GLIS3: variants seen among roughly 807,000 people sequenced by gnomAD.
The protein encoded by GLIS3 is GLIS family zinc finger 3, also known as zinc finger protein GLIS3.
A neutral mutation model predicts 78.6 loss-of-function variants in GLIS3; 53 were observed. The observed-to-expected ratio is 0.67, with a 90% CI of 0.54 to 0.85. The LOEUF (loss-of-function observed/expected upper bound fraction) is 0.85. GLIS3 is among the 40% of genes least tolerant of loss of function. The probability of loss-of-function intolerance (pLI) is 0.00; values close to 1 mark genes in which losing one functional copy is unlikely to be tolerated. For synonymous variants in GLIS3, 684 were observed against 509.9 expected (o/e 1.34, Z -4.60); for missense variants, 1,703 against 1,231.1 (o/e 1.38, Z -5.74).
the GLIS3 span, among the ~76,000 whole-genome samples, chr9:4,474,173 T>C: frequency 6.6e-6 from 1 of 152,170 alleles, no homozygotes; most frequent in African/African-American, 2.4e-5. Context: ...GGATTTACAA[T>C]ATCAAATACC....
chr9:4,034,731 C>A (rs1297262881), intron 4 of GLIS3: 2 of 152,166 alleles, frequency 1.3e-5, no homozygotes, highest in East Asian at 3.8e-4. Context: ...CCCTCAGGAG[C>A]CCTTTAACCT....
chr9:4,172,116 C>G lies in GLIS3; in HGVS notation c.389-46175G>C, dbSNP rs138251680. Reference sequence around the variant, plus strand: ...GAGAAATGAAGTTTAGCTCTGCCTCCAAATGCTAAGATCTGAGAAAAAAAT... The same window carrying G: ...GAGAAATGAAGTTTAGCTCTGCCTCGAAATGCTAAGATCTGAGAAAAAAAT... On this transcript the variant is annotated intron_variant, in intron 2 of 10. Transcript: ENST00000381971. 2.0e-3 allele frequency among the ~76,000 whole-genome samples: 305 copies of G among 152,172 alleles called. 4 individuals are homozygous for G. The highest frequency in any genetic ancestry group is 7.0e-3 in the African/African-American group (289 of 41,506).
At chr9:4,457,405 T>C in the GLIS3 span, among the ~76,000 whole-genome samples, 1 of 151,820 alleles carries the variant, frequency 6.6e-6, no homozygotes, top group Non-Finnish European at 1.5e-5. Context: ...AGGGAATTGA[T>C]TGCATTGATT....
chr9:4,488,354 A>G, the GLIS3 span, among the ~76,000 whole-genome samples: 1 of 152,134 alleles, frequency 6.6e-6, no homozygotes, highest in Non-Finnish European at 1.5e-5. Context: ...AACATGTGCC[A>G]TCCCATGCTG....
chr9:4,320,975 G>C (rs1037466859), intron 2 of GLIS3, among the ~76,000 whole-genome samples: 1 of 151,926 alleles, frequency 6.6e-6, no homozygotes, highest in African/African-American at 2.4e-5. Flanking sequence ...GAGATACAAA[G>C]AACGTTGCTT....
chr9:4,415,497 T>G, the GLIS3 span, among the ~76,000 whole-genome samples: 1 of 152,224 alleles, frequency 6.6e-6, no homozygotes, highest in African/African-American at 2.4e-5. Context: ...GCATTTTGTT[T>G]AGGGCATCTG....
At chr9:4,060,130 T>C (rs1273754131) in intron 4 of GLIS3, among the ~76,000 whole-genome samples, 1 of 152,162 alleles carries the variant, frequency 6.6e-6, no homozygotes, top group Non-Finnish European at 1.5e-5. Context: ...TACTGAAAGA[T>C]GTCTCAGGCA....
chr9:4,296,673 T>C lies in GLIS3; in HGVS notation c.-99+2748A>G, dbSNP rs140416437. Reference sequence around the variant, plus strand: ...GGAGAAGTTAACAGCAGCACTTAAATTGATCTACTCATACTCAAGGATTAC... The same window carrying C: ...GGAGAAGTTAACAGCAGCACTTAAACTGATCTACTCATACTCAAGGATTAC... On this transcript the variant is annotated intron_variant, in intron 1 of 10. Coordinates refer to ENST00000381971, the MANE Select transcript of GLIS3 (RefSeq NM_001042413.2). 7.2e-4 allele frequency among the ~76,000 whole-genome samples: 109 copies of C among 152,254 alleles called. 2 individuals carry two copies. In the East Asian group the frequency reaches 0.02, roughly 28 times the overall value.
At chr9:4,381,157 A>G in the GLIS3 span, among the ~76,000 whole-genome samples, 1 of 152,236 alleles carries the variant, frequency 6.6e-6, no homozygotes, top group Non-Finnish European at 1.5e-5. Flanking sequence ...ATGACTTTAC[A>G]TTTTTAAGAA....
chr9:4,384,618 C>G, the GLIS3 span, among the ~76,000 whole-genome samples: 1 of 151,180 alleles, frequency 6.6e-6, no homozygotes, highest in Non-Finnish European at 1.5e-5. Flanking sequence ...CTAATTTCTT[C>G]CCTGGACAGC....
intron 2 of GLIS3, among the ~76,000 whole-genome samples, chr9:4,140,988 C>A (rs569279425): frequency 1.3e-5 from 2 of 152,060 alleles, no homozygotes; most frequent in Non-Finnish European, 2.9e-5. Flanking sequence ...TTAGTAGAGA[C>A]GGGGTTTCAT....
intron 1 of GLIS3, among the ~76,000 whole-genome samples, chr9:4,291,700 G>C (rs1445053688): frequency 6.6e-6 from 1 of 152,094 alleles, no homozygotes; most frequent in East Asian, 1.9e-4. Context: ...ATCAGAAGCA[G>C]CATTGAGAGC....
intron 2 of GLIS3, among the ~76,000 whole-genome samples, chr9:4,198,567 C>T (rs548084657): frequency 7.9e-5 from 12 of 152,192 alleles, no homozygotes; most frequent in African/African-American, 2.4e-4. Flanking sequence ...TGTAAATAAA[C>T]TGACAGATCT....
At chr9:4,193,014 G>A (rs1818472344) in intron 2 of GLIS3, among the ~76,000 whole-genome samples, 1 of 152,198 alleles carries the variant, frequency 6.6e-6, no homozygotes, top group South Asian at 2.1e-4. Context: ...GTGATCATGA[G>A]GGAATCAATA....
intron 6 of GLIS3, among the ~76,000 whole-genome samples, chr9:3,922,036 A>G (rs1824925949): frequency 6.6e-6 from 1 of 152,152 alleles, no homozygotes; most frequent in Non-Finnish European, 1.5e-5. Flanking sequence ...AATTTTGGGG[A>G]AGTCATTTTG....
intron 2 of GLIS3, among the ~76,000 whole-genome samples, chr9:4,232,233 G>C (rs1254766804): frequency 6.6e-6 from 1 of 151,744 alleles, no homozygotes; most frequent in Non-Finnish European, 1.5e-5. Flanking sequence ...TTAAAAATTA[G>C]CCAGGCATGG....
At chr9:4,037,014 T>G (rs887040114) in intron 4 of GLIS3, among the ~76,000 whole-genome samples, 4 of 152,298 alleles carry the variant, frequency 2.6e-5, no homozygotes, top group Non-Finnish European at 4.4e-5. Context: ...GGGGTGTCCA[T>G]GTTCTAACCT....
At chr9:4,405,097 G>A in the GLIS3 span, among the ~76,000 whole-genome samples, 2 of 152,136 alleles carry the variant, frequency 1.3e-5, no homozygotes, top group African/African-American at 2.4e-5. Flanking sequence ...GCTCATGCCT[G>A]TAATCCCAGC....
chr9:3,879,585 G>C lies in GLIS3; in HGVS notation c.2139C>G (p.Phe713Leu). The C allele has an allele frequency of 6.2e-7, 1 of 1,614,036 alleles. No individual in the cohort carries two copies. Among genetic ancestry groups the C allele is most frequent in the East Asian group, 2.2e-5 (1 of 44,854 alleles). ...PGPDLYSAPI[F>L]SSNYSSRSGT... ...CACTTCGGCTTGAATAATTGCTGGAGAAAATGGGAGCTGAAATCAAGGGAG... is the reference window on the plus strand; with the variant it reads ...CACTTCGGCTTGAATAATTGCTGGACAAAATGGGAGCTGAAATCAAGGGAG... The change falls in exon 8 of 11, where the codon TTC becomes TTG. Residue 713 changes from phenylalanine (F) to leucine (L), a missense_variant. Physicochemically the swap from Phe to Leu is conservative, Grantham distance 22 (BLOSUM62 0). Coordinates refer to ENST00000381971, the MANE Select transcript of GLIS3 (RefSeq NM_001042413.2).
Sources: allele counts gnomAD v4.1 joint callset (sites outside exome capture counted in the v4.1 genomes callset), GRCh38; gene constraint gnomAD v4.1.1; transcripts MANE v1.5; gene names NCBI Gene and HGNC (gene_info 2026-07-23, HGNC 2026-07-21).